VPS16: variants seen among roughly 807,000 people sequenced by gnomAD.
VPS16 encodes vacuolar protein sorting-associated protein 16 homolog.
VPS16 carries 82 observed loss-of-function variants against 116.0 expected under a neutral mutation model. The ratio of observed to expected loss-of-function variants is 0.71; its 90% CI spans 0.59 to 0.85. VPS16 has a LOEUF of 0.85. Ranked by LOEUF, VPS16 falls within the 40% of genes least tolerant of loss-of-function variation. The pLI, the probability that VPS16 is intolerant of heterozygous loss-of-function variation, is 0.00. For synonymous variants in VPS16, 406 were observed against 420.7 expected (o/e 0.96, Z 0.43); for missense variants, 928 against 1,090.6 (o/e 0.85, Z 2.10).
chr20:2,863,962 A>T lies in VPS16; in HGVS notation c.1490A>T (p.Asp497Val). 1 of 1,613,868 alleles carries T rather than the reference A, an allele frequency of 6.2e-7. No homozygotes were observed. Among genetic ancestry groups the T allele is most frequent in the Non-Finnish European group, 8.5e-7 (1 of 1,179,832 alleles). The change falls in exon 16 of 24, where the codon GAT (aspartate) becomes GTT (valine). Residue 497 changes from aspartate (D) to valine (V), a missense_variant. Coordinates refer to ENST00000380445, the MANE Select transcript of VPS16 (RefSeq NM_022575.4). The surrounding 1 kb of genome is among the most constrained non-coding windows in gnomAD (Gnocchi z 4.4). ...HWACYKVQQK[D>V]VSDEDVARAI... Reference sequence around the variant, plus strand: ...CATCCCTTGCAGGTGCAACAGAAGGATGTCTCAGATGAGGATGTGGCTCGA... The same window carrying T: ...CATCCCTTGCAGGTGCAACAGAAGGTTGTCTCAGATGAGGATGTGGCTCGA...
Position 2,866,250 on chromosome 20 carries a change from C to T in VPS16, c.2310C>T (p.Tyr770=), listed in dbSNP as rs141400236. The T allele has an allele frequency of 1.4e-4, 225 of 1,613,988 alleles. 1 individual carries two copies. Among genetic ancestry groups the T allele is most frequent in the Middle Eastern group, 9.9e-4 (6 of 6,062 alleles). ...VEICMKQHNK[Y]EAKKYASRVG... is the part of the protein sequence containing the mutation. ...TCTGCATGAAACAACATAACAAATACGAAGCCAAGAAGTATGCTTCCCGCG... is the reference window on the plus strand; with the variant it reads ...TCTGCATGAAACAACATAACAAATATGAAGCCAAGAAGTATGCTTCCCGCG... Residue 770 remains tyrosine (Y), a synonymous_variant, in exon 23 of 24, where the codon TAC becomes TAT. Transcript: ENST00000380445.
intron 1 of VPS16, among the ~76,000 whole-genome samples, chr20:2,852,605 A>C (rs969661212): frequency 1.3e-5 from 2 of 152,224 alleles, no homozygotes; most frequent in African/African-American, 4.8e-5. Flanking sequence ...GAATATTGCA[A>C]AACACGTCAC....
chr20:2,862,732 G>A (rs780084177), intron 12 of VPS16, 22 bp downstream of exon 12: 35 of 1,610,200 alleles, frequency 2.2e-5, no homozygotes, highest in African/African-American at 9.4e-5. Context: ...TGGCCGGGCC[G>A]GGGAGGGTGG....
At position 2,848,472 on chromosome 20, in the gene VPS16, C is replaced by T. The variant is rs540083442; in HGVS notation, c.53+7645C>T. ...GTGAGCGGAGCCACTCCCACTTCCA[C>T]CTCTTGAATCTAGGCCCCAAATGGA... On this transcript the variant is annotated intron_variant, in intron 1 of 23. Coordinates refer to ENST00000380445, the MANE Select transcript of VPS16 (RefSeq NM_022575.4). Among the ~76,000 whole-genome samples the T allele has an allele frequency of 2.1e-4, 32 of 152,312 alleles. No individual in the cohort carries two copies. The South Asian group carries it at 3.3e-3, about 16-fold the overall frequency.
At chr20:2,854,264 C>CACACACACACACACACACACACACACAA (rs1359113049) in intron 1 of VPS16, among the ~76,000 whole-genome samples, 23 of 150,130 alleles carry the variant, frequency 1.5e-4, no homozygotes, top group African/African-American at 5.7e-4. Context: ...CACACACACA[C>CACACACACACACACACACACACACACAA]AAATTTTTTA....
chr20:2,850,812 A>G (rs1206506943), intron 1 of VPS16, among the ~76,000 whole-genome samples: 7 of 151,216 alleles, frequency 4.6e-5, no homozygotes. Flanking sequence ...TACAAAAAAA[A>G]AACAAAAAAA....
At chr20:2,855,442 TC>T in intron 1 of VPS16, among the ~76,000 whole-genome samples, 1 of 152,188 alleles carries the variant, frequency 6.6e-6, no homozygotes, top group East Asian at 1.9e-4. Context: ...CCTAGGATTT[TC>T]AGAATGGTAA....
chr20:2,841,956 T>C (rs1410651553), intron 1 of VPS16, among the ~76,000 whole-genome samples: 2 of 152,136 alleles, frequency 1.3e-5, no homozygotes, highest in Non-Finnish European at 2.9e-5. Context: ...GGTTTCACCA[T>C]GGTGGCCAGG....
intron 1 of VPS16, among the ~76,000 whole-genome samples, chr20:2,848,102 G>A (rs77544047): frequency 0.024 from 3,578 of 152,172 alleles, 83 homozygotes; most frequent in African/African-American, 0.058. Flanking sequence ...GATGAGCACT[G>A]CCATGAGGTT....
chr20:2,843,285 T>C (rs2146640475), intron 1 of VPS16, among the ~76,000 whole-genome samples: 1 of 151,648 alleles, frequency 6.6e-6, no homozygotes, highest in Admixed American at 6.6e-5. Flanking sequence ...TACAAAAATT[T>C]GCCGGGCGTG....
At chr20:2,856,447 G>T (rs1051797939) in intron 1 of VPS16, among the ~76,000 whole-genome samples, 2 of 152,212 alleles carry the variant, frequency 1.3e-5, no homozygotes, top group Non-Finnish European at 2.9e-5. Flanking sequence ...TTGGAAAAAT[G>T]ACGCTGATAG....
intron 1 of VPS16, among the ~76,000 whole-genome samples, chr20:2,853,435 C>A (rs1283237085): frequency 6.6e-6 from 1 of 151,856 alleles, no homozygotes; most frequent in Non-Finnish European, 1.5e-5. Flanking sequence ...TTTCTTTGCT[C>A]ATCCATAAGA....
At chr20:2,849,627 G>A (rs1331109735) in intron 1 of VPS16, among the ~76,000 whole-genome samples, 1 of 151,866 alleles carries the variant, frequency 6.6e-6, no homozygotes, top group African/African-American at 2.4e-5. Context: ...GGGGGGGTGG[G>A]TGCTGTTAGA....
At chr20:2,843,024 T>C (rs879128775) in intron 1 of VPS16, among the ~76,000 whole-genome samples, 3 of 152,142 alleles carry the variant, frequency 2.0e-5, no homozygotes, top group Admixed American at 2.0e-4. Context: ...TTAAAACTTT[T>C]AAATGTAATT....
chr20:2,842,748 A>AGATGTATCTATCTATAGATAGACATATG (rs1568620781), intron 1 of VPS16, among the ~76,000 whole-genome samples: 1 of 106,374 alleles, frequency 9.4e-6, no homozygotes, highest in African/African-American at 4.2e-5. Context: ...AGATACATAT[A>AGATGTATCTATCTATAGATAGACATATG]GATGTATCTA....
chr20:2,857,363 AT>A (rs2089181907), intron 1 of VPS16, among the ~76,000 whole-genome samples: 2 of 152,336 alleles, frequency 1.3e-5, no homozygotes, highest in East Asian at 3.9e-4. Context: ...ATTCCTGTAC[AT>A]TTATAGATCA....
chr20:2,861,002 C>T lies in VPS16; in HGVS notation c.663C>T (p.Ser221=), dbSNP rs372920593. 1 of 1,614,210 alleles carries T rather than the reference C, an allele frequency of 6.2e-7. No homozygotes were observed. Among genetic ancestry groups the T allele is most frequent in the Non-Finnish European group, 8.5e-7 (1 of 1,180,040 alleles). ...TPPGLAPGVS[S]FLQMAVSFTY... The stretch of plus-strand genomic sequence containing the variant: ...CTGGCCTGGCCCCAGGAGTAAGCAG[C>T]TTCCTACAGATGGCTGTCTCCTTCA... Residue 221 remains serine, a synonymous_variant, in exon 7 of 24, where the codon AGC becomes AGT. Transcript: ENST00000380445.
chr20:2,852,967 A>G (rs1304479952), intron 1 of VPS16, among the ~76,000 whole-genome samples: 1 of 152,216 alleles, frequency 6.6e-6, no homozygotes, highest in African/African-American at 2.4e-5. Context: ...CATTTTATCC[A>G]AAATAGAACT....
At position 2,862,195 on chromosome 20, in the gene VPS16, G is replaced by A. The variant is rs2089236082; in HGVS notation, c.1071+65G>A. The A allele has an allele frequency of 2.6e-6, 4 of 1,542,628 alleles. No individual in the cohort carries two copies. In the South Asian group the frequency reaches 4.7e-5, roughly 18 times the overall value. ...CTCCTGCCCCTGCGTGGGCATGTGTGAGCATAGCCAGGTGCCACCTGTCAA... is the reference window on the plus strand; with the variant it reads ...CTCCTGCCCCTGCGTGGGCATGTGTAAGCATAGCCAGGTGCCACCTGTCAA... On this transcript the variant is annotated intron_variant, in intron 11 of 23. Transcript: ENST00000380445.
Sources: allele counts gnomAD v4.1 joint callset (sites outside exome capture counted in the v4.1 genomes callset), GRCh38; gene constraint gnomAD v4.1.1; non-coding constraint Gnocchi (gnomAD v3.1); transcripts MANE v1.5; gene names NCBI Gene and HGNC (gene_info 2026-07-23, HGNC 2026-07-21).